AGBL1: variants seen among roughly 807,000 people sequenced by gnomAD.
The protein encoded by AGBL1 is cytosolic carboxypeptidase 4.
Under a neutral mutation model 118.9 loss-of-function variants are expected in AGBL1, and 130 were observed. The observed-to-expected ratio is 1.09, with a 90% CI of 0.95 to 1.26. AGBL1 has a LOEUF of 1.26. AGBL1 is among the 50% of genes most tolerant of loss of function. The pLI is 0.00. For synonymous variants in AGBL1, 555 were observed against 478.9 expected (o/e 1.16, Z -2.08); for missense variants, 1,584 against 1,298.1 (o/e 1.22, Z -3.38).
At chr15:86,232,761 C>G (rs2078476964) in intron 6 of AGBL1, among the ~76,000 whole-genome samples, 1 of 152,156 alleles carries the variant, frequency 6.6e-6, no homozygotes, top group African/African-American at 2.4e-5. Flanking sequence ...AACCTGTTAT[C>G]TTCCTTGCCT....
chr15:86,700,541 A>T (rs1375082055), intron 22 of AGBL1, among the ~76,000 whole-genome samples: 2 of 151,812 alleles, frequency 1.3e-5, no homozygotes, highest in East Asian at 3.9e-4. Context: ...CTTTCTCTTG[A>T]CAAGAAGTAG....
chr15:86,917,817 A>G (rs1219526910), downstream of AGBL1, among the ~76,000 whole-genome samples: 1 of 152,014 alleles, frequency 6.6e-6, no homozygotes, highest in Non-Finnish European at 1.5e-5. This position sits in a 1 kb window ranked among gnomAD's most constrained non-coding sequence, Gnocchi z 4.8. Flanking sequence ...ACTTCCCAGC[A>G]TGGCTCAAGG....
intron 13 of AGBL1, 24 bp downstream of exon 13, chr15:86,267,100 G>A (rs906628028): frequency 1.3e-6 from 2 of 1,525,742 alleles, no homozygotes; most frequent in Non-Finnish European, 1.8e-6. Context: ...ACCACAGTGG[G>A]TGTCTCCTGT....
intron 22 of AGBL1, among the ~76,000 whole-genome samples, chr15:86,857,731 C>T (rs959030792): frequency 1.5e-4 from 23 of 152,154 alleles, no homozygotes; most frequent in African/African-American, 5.3e-4. Flanking sequence ...AGGGCAAGGA[C>T]GGTGTCCGTC....
At chr15:86,897,430 A>G (rs959212126) in intron 22 of AGBL1, among the ~76,000 whole-genome samples, 3 of 152,062 alleles carry the variant, frequency 2.0e-5, no homozygotes, top group African/African-American at 7.2e-5. Context: ...TCTTTAAACT[A>G]TATATTTTCC....
intron 18 of AGBL1, among the ~76,000 whole-genome samples, chr15:86,446,234 T>C (rs187589995): frequency 6.6e-6 from 1 of 152,190 alleles, no homozygotes. Flanking sequence ...TTTTTGGTTG[T>C]TTGTCTAAGT....
At chr15:86,455,440 G>A (rs145517445) in intron 18 of AGBL1, among the ~76,000 whole-genome samples, 6 of 152,140 alleles carry the variant, frequency 3.9e-5, no homozygotes, top group Non-Finnish European at 7.4e-5. Context: ...TCAATTTAAT[G>A]CAAGATATCC....
intron 15 of AGBL1, among the ~76,000 whole-genome samples, chr15:86,275,526 C>T (rs2079237030): frequency 6.6e-6 from 1 of 152,180 alleles, no homozygotes; most frequent in Non-Finnish European, 1.5e-5. Flanking sequence ...TTTATGCACC[C>T]TGCTGAAAAG....
chr15:86,358,017 T>C (rs1027711947), intron 17 of AGBL1, among the ~76,000 whole-genome samples: 6 of 152,130 alleles, frequency 3.9e-5, no homozygotes, highest in Non-Finnish European at 8.8e-5. Context: ...CACATACTTA[T>C]AATTTTTTTG....
At chr15:86,812,881 T>C (rs2078809487) in intron 22 of AGBL1, among the ~76,000 whole-genome samples, 1 of 152,118 alleles carries the variant, frequency 6.6e-6, no homozygotes, top group African/African-American at 2.4e-5. Context: ...AATGTGAGTA[T>C]AATATTTGCA....
intron 1 of AGBL1, among the ~76,000 whole-genome samples, chr15:86,131,657 C>T (rs949083525): frequency 6.6e-6 from 1 of 152,030 alleles, no homozygotes; most frequent in African/African-American, 2.4e-5. Context: ...TGGTAATAAT[C>T]ATAATATTGG....
intron 5 of AGBL1, among the ~76,000 whole-genome samples, chr15:86,210,634 G>A (rs140584404): frequency 0.013 from 1,963 of 152,188 alleles, 27 homozygotes; most frequent in East Asian, 0.073. Context: ...CTTGTGTCAC[G>A]TAGTTCTTGT....
At chr15:86,466,179 A>G (rs1446748406) in intron 18 of AGBL1, among the ~76,000 whole-genome samples, 6 of 152,046 alleles carry the variant, frequency 3.9e-5, no homozygotes, top group Non-Finnish European at 8.8e-5. Context: ...TATTTCTTGG[A>G]GTCTTTGTTC....
chr15:86,800,861 C>G (rs1304608400), intron 22 of AGBL1, among the ~76,000 whole-genome samples: 2 of 152,102 alleles, frequency 1.3e-5, no homozygotes, highest in African/African-American at 2.4e-5. Flanking sequence ...ACTAAGCTAT[C>G]TGATTGAAGA....
At chr15:86,577,621 G>A (rs1014566370) in intron 21 of AGBL1, among the ~76,000 whole-genome samples, 1 of 152,176 alleles carries the variant, frequency 6.6e-6, no homozygotes, top group Non-Finnish European at 1.5e-5. Context: ...CATTGGCCTG[G>A]AGATCTGAGG....
intron 17 of AGBL1, among the ~76,000 whole-genome samples, chr15:86,364,998 C>T (rs71408854): frequency 0.081 from 9,696 of 119,526 alleles, 901 homozygotes; most frequent in Non-Finnish European, 0.09. Context: ...TACACACACA[C>T]ATATATATAT....
chr15:86,263,546 A>C lies in AGBL1; in HGVS notation c.1086+652A>C, dbSNP rs2079027195. 2.0e-5 allele frequency among the ~76,000 whole-genome samples: 3 copies of C among 152,202 alleles called. No homozygotes were observed. The South Asian group carries it at 6.2e-4, about 31-fold the overall frequency. On this transcript the variant is annotated intron_variant, in intron 10 of 22. Transcript: ENST00000614907. Reference sequence around the variant, plus strand: ...CCCCCATGCACTGAAAAAGCAAATAAAAATTCATGATGATTTAATTGTTCT... The same window carrying C: ...CCCCCATGCACTGAAAAAGCAAATACAAATTCATGATGATTTAATTGTTCT...
intron 22 of AGBL1, among the ~76,000 whole-genome samples, chr15:86,693,839 T>G (rs2086212545): frequency 6.6e-6 from 1 of 152,156 alleles, no homozygotes; most frequent in African/African-American, 2.4e-5. Context: ...CAGCACCATT[T>G]GTTGACTAGG....
At chr15:86,177,557 T>C (rs547412503) in intron 5 of AGBL1, among the ~76,000 whole-genome samples, 1 of 152,172 alleles carries the variant, frequency 6.6e-6, no homozygotes, top group Non-Finnish European at 1.5e-5. Context: ...ATAAAGCCAG[T>C]CACAATGAAT....
Sources: gnomAD v4.1 joint callset for allele counts (sites outside exome capture counted in the v4.1 genomes callset) on GRCh38, gnomAD v4.1.1 for gene constraint, Gnocchi (gnomAD v3.1) non-coding constraint, MANE v1.5 for transcripts, NCBI Gene and HGNC (gene_info 2026-07-23, HGNC 2026-07-21) for gene names.